The following EYA2 variants were observed in gnomAD, a reference collection of about 807,000 sequenced individuals.
EYA2 encodes EYA transcriptional coactivator and phosphatase 2.
Under a neutral mutation model 69.2 loss-of-function variants are expected in EYA2, and 31 were observed. The observed-to-expected ratio is 0.45, with a 90% CI of 0.34 to 0.60. The LOEUF is 0.60. Ranked by LOEUF, EYA2 falls within the 20% of genes least tolerant of loss-of-function variation. The probability of loss-of-function intolerance (pLI) is 0.02; values close to 1 mark genes in which losing one functional copy is unlikely to be tolerated. For missense variants in EYA2, 622 were observed against 701.2 expected, an observed-to-expected ratio of 0.89 and a Z score of 1.28; for synonymous variants, 257 against 279.4, an observed-to-expected ratio of 0.92 and a Z score of 0.80.
chr20:47,017,423 A>G (rs554522102), intron 5 of EYA2, among the ~76,000 whole-genome samples: 1 of 152,302 alleles, frequency 6.6e-6, no homozygotes, highest in South Asian at 2.1e-4. Flanking sequence ...GCGCTGCTGT[A>G]CCCAGCTTTG....
At chr20:46,932,136 C>T (rs1426024164) in intron 1 of EYA2, among the ~76,000 whole-genome samples, 1 of 151,874 alleles carries the variant, frequency 6.6e-6, no homozygotes, top group Non-Finnish European at 1.5e-5. Context: ...ACCTCGCCCC[C>T]CGCCTAATAA....
intron 7 of EYA2, among the ~76,000 whole-genome samples, chr20:47,081,284 T>C (rs900868460): frequency 2.6e-5 from 4 of 152,154 alleles, no homozygotes; most frequent in African/African-American, 4.8e-5. Flanking sequence ...ATCAGTGTTA[T>C]ATACTTGAAA....
chr20:46,990,267 C>G (rs1017562044), intron 2 of EYA2, 148 bp downstream of exon 2: 3 of 501,970 alleles, frequency 6.0e-6, no homozygotes, highest in African/African-American at 5.6e-5. Context: ...GCCTCTGAAC[C>G]AAAACTTTGG....
rs374959057 is a variant in EYA2, at chr20:47,183,657, C to T, written c.1536+266C>T. 2.1e-3 allele frequency among the ~76,000 whole-genome samples: 323 copies of T among 152,358 alleles called. 1 individual carries two copies. The highest frequency in any genetic ancestry group is 7.2e-3 in the African/African-American group (300 of 41,580). On this transcript the variant is annotated intron_variant, in intron 15 of 15. Coordinates refer to ENST00000327619, the MANE Select transcript of EYA2 (RefSeq NM_005244.5). ...ACAACTGTTCGGGAGCCTAGAGACG[C>T]TCCGGCAGGGCAGGCTGGTGGGGGG...
chr20:47,158,629 A>T (rs2034004350), intron 10 of EYA2, among the ~76,000 whole-genome samples: 1 of 151,996 alleles, frequency 6.6e-6, no homozygotes, highest in Non-Finnish European at 1.5e-5. Flanking sequence ...CCACGCTGCA[A>T]GAAAAAGGAA....
intron 5 of EYA2, among the ~76,000 whole-genome samples, chr20:47,033,807 A>G (rs924522527): frequency 9.9e-5 from 15 of 152,220 alleles, no homozygotes; most frequent in African/African-American, 2.9e-4. Context: ...ATGATTCTCA[A>G]TGGACATATA....
Position 47,089,289 on chromosome 20 carries a change from A to G in EYA2, c.712A>G (p.Thr238Ala), listed in dbSNP as rs866936. ...TTCCACACCAGCGAAAGAGGGAGACACAGACAGGCCGCACCGGGCCTCCGA... is the reference window on the plus strand; with the variant it reads ...TTCCACACCAGCGAAAGAGGGAGACGCAGACAGGCCGCACCGGGCCTCCGA... ...GPSTPAKEGD[T>A]DRPHRASDGK... is the part of the protein sequence containing the mutation. The change falls in exon 8 of 16, where the codon ACA becomes GCA. Residue 238 changes from threonine (T) to alanine (A), a missense_variant. Thr to Ala is a moderately conservative substitution (Grantham distance 58). Transcript: ENST00000327619. The G allele has an allele frequency of 1.7e-3, 2,668 of 1,614,154 alleles. 32 individuals are homozygous for G. In the African/African-American group the frequency reaches 0.025, roughly 15 times the overall value.
At chr20:47,142,136 G>C (rs2033609931) in intron 9 of EYA2, among the ~76,000 whole-genome samples, 1 of 152,180 alleles carries the variant, frequency 6.6e-6, no homozygotes, top group South Asian at 2.1e-4. Context: ...GTACAGTGTA[G>C]ACAATACACT....
At chr20:47,005,352 G>T (rs764209454) in intron 4 of EYA2, among the ~76,000 whole-genome samples, 2 of 152,222 alleles carry the variant, frequency 1.3e-5, no homozygotes, top group African/African-American at 4.8e-5. Context: ...CGAGAGATCT[G>T]TGGATACAGC....
chr20:46,984,961 T>G (rs1039771994), intron 1 of EYA2, among the ~76,000 whole-genome samples: 2 of 152,256 alleles, frequency 1.3e-5, no homozygotes, highest in African/African-American at 4.8e-5. Flanking sequence ...AACATACACA[T>G]GTTTAAATCA....
chr20:47,183,134 TAACAGGG>T (rs2034569777), intron 14 of EYA2, among the ~76,000 whole-genome samples, 150 bp from the exon 15 acceptor site: 2 of 152,112 alleles, frequency 1.3e-5, no homozygotes, highest in Admixed American at 1.3e-4. Context: ...GTGGGGATGA[TAACAGGG>T]CTCACCTCAG....
intron 8 of EYA2, among the ~76,000 whole-genome samples, chr20:47,092,456 T>C (rs1022887690): frequency 2.0e-5 from 3 of 152,236 alleles, no homozygotes; most frequent in Middle Eastern, 3.2e-3. Flanking sequence ...CGTCAGGTTG[T>C]ACTTGCTGTC....
chr20:46,932,633 G>A lies in EYA2; in HGVS notation c.-11+37646G>A, dbSNP rs993178417. Among the ~76,000 whole-genome samples the A allele has an allele frequency of 1.2e-4, 18 of 152,176 alleles. No homozygotes were observed. The East Asian group carries it at 3.1e-3, about 26-fold the overall frequency. ...TGCGGTGGCTCAAGCCTGTAATCCCGGCACTTTGGGAGGCGGAGGTGGGTG... is the reference window on the plus strand; with the variant it reads ...TGCGGTGGCTCAAGCCTGTAATCCCAGCACTTTGGGAGGCGGAGGTGGGTG... On this transcript the variant is annotated intron_variant, in intron 1 of 15. Transcript: ENST00000327619.
At chr20:46,904,690 G>C (rs1359761020) in intron 1 of EYA2, among the ~76,000 whole-genome samples, 1 of 152,130 alleles carries the variant, frequency 6.6e-6, no homozygotes, top group Non-Finnish European at 1.5e-5. Context: ...CCTGCTACTC[G>C]ATCCTGCCAA....
chr20:47,070,162 A>G (rs755762492), intron 5 of EYA2, among the ~76,000 whole-genome samples: 26 of 152,360 alleles, frequency 1.7e-4, no homozygotes, highest in Middle Eastern at 3.4e-3. Context: ...TCCAAGATAT[A>G]TAAAGAACTC....
At chr20:47,124,350 A>G (rs2033125283) in intron 9 of EYA2, among the ~76,000 whole-genome samples, 1 of 152,190 alleles carries the variant, frequency 6.6e-6, no homozygotes, top group African/African-American at 2.4e-5. Context: ...AGATGGAGTC[A>G]CTTATGTCAA....
intron 12 of EYA2, among the ~76,000 whole-genome samples, chr20:47,178,105 A>T (rs570038401): frequency 6.6e-6 from 1 of 152,322 alleles, no homozygotes; most frequent in South Asian, 2.1e-4. Context: ...CCAAGGCAGG[A>T]TTGCTTGAGG....
intron 1 of EYA2, among the ~76,000 whole-genome samples, chr20:46,975,961 A>G (rs1029885424): frequency 6.6e-6 from 1 of 152,242 alleles, no homozygotes; most frequent in Non-Finnish European, 1.5e-5. Context: ...TTGAGATTCA[A>G]GACTCAAGCT....
intron 5 of EYA2, among the ~76,000 whole-genome samples, chr20:47,057,088 G>GAAGA (rs1416570253): frequency 8.5e-5 from 9 of 105,800 alleles, no homozygotes; most frequent in Middle Eastern, 9.8e-3. Flanking sequence ...AGGGAGGAAG[G>GAAGA]AAGAAAGGAA....
Sources: allele counts gnomAD v4.1 joint callset (sites outside exome capture counted in the v4.1 genomes callset), GRCh38; gene constraint gnomAD v4.1.1; transcripts MANE v1.5; gene names NCBI Gene and HGNC (gene_info 2026-07-23, HGNC 2026-07-21).